The following B3GALT5 variants were observed in gnomAD, a reference collection of about 807,000 sequenced individuals.
The protein encoded by B3GALT5 is UDP-Gal:betaGlcNAc beta 1,3-galactosyltransferase, polypeptide 5.
For synonymous variants in B3GALT5, 156 were observed against 158.6 expected, an observed-to-expected ratio of 0.98 and a Z score of 0.12; for missense variants, 328 against 396.6, an observed-to-expected ratio of 0.83 and a Z score of 1.47.
intron 1 of B3GALT5, among the ~76,000 whole-genome samples, chr21:39,644,537 G>A (rs1263167567): frequency 6.6e-6 from 1 of 152,154 alleles, no homozygotes. Context: ...CAAAAAGTGC[G>A]AAGTTCACAG....
chr21:39,662,965 A>C lies in B3GALT5; in HGVS notation c.*1473A>C, dbSNP rs141243984. The C allele has an allele frequency of 6.4e-6, 1 of 156,392 alleles. No individual in the cohort carries two copies. The highest frequency in any genetic ancestry group is 1.9e-4 in the East Asian group (1 of 5,178). 9.7% of individuals were successfully genotyped at this position (156,392 alleles called of 1,614,324 possible). ...ATTGCAAAAGTACGTCTGATATCCT[A>C]TTTTGCATACCATTTCTTGTGTTTG... On this transcript the variant is annotated 3_prime_UTR_variant, in exon 4 of 4. Coordinates refer to ENST00000684187, the MANE Select transcript of B3GALT5 (RefSeq NM_001356336.2).
intron 1 of B3GALT5, among the ~76,000 whole-genome samples, chr21:39,624,999 C>T (rs2079156460): frequency 6.6e-6 from 1 of 152,166 alleles, no homozygotes; most frequent in Non-Finnish European, 1.5e-5. Context: ...GGATTTTCCT[C>T]TGGGTTCTTC....
At chr21:39,625,991 C>T (rs890948520) in intron 1 of B3GALT5, among the ~76,000 whole-genome samples, 1 of 152,110 alleles carries the variant, frequency 6.6e-6, no homozygotes, top group Non-Finnish European at 1.5e-5. Context: ...GGCATTTTGT[C>T]CATACACGGT....
intron 3 of B3GALT5, among the ~76,000 whole-genome samples, 158 bp from the exon 4 acceptor site, chr21:39,660,402 T>A (rs927273512): frequency 2.0e-5 from 3 of 152,204 alleles, no homozygotes; most frequent in African/African-American, 7.2e-5. Context: ...TAGACCTTTG[T>A]GCTTAACTGT....
intron 1 of B3GALT5, among the ~76,000 whole-genome samples, chr21:39,615,181 G>A (rs1335265351): frequency 6.6e-6 from 1 of 152,204 alleles, no homozygotes; most frequent in Non-Finnish European, 1.5e-5. Context: ...CGTATTCCTT[G>A]TTAATTCCAG....
intron 1 of B3GALT5, among the ~76,000 whole-genome samples, chr21:39,626,766 T>C (rs1222001433): frequency 6.6e-6 from 1 of 152,108 alleles, no homozygotes; most frequent in Non-Finnish European, 1.5e-5. Context: ...TTCAAGTCCT[T>C]TGCCCCTTTT....
chr21:39,639,404 CTTTCTTTCTTTCTTTCTTTCTT>C (rs2079266360), intron 1 of B3GALT5, among the ~76,000 whole-genome samples: 29 of 67,908 alleles, frequency 4.3e-4, no homozygotes, highest in Non-Finnish European at 4.8e-4. Flanking sequence ...CTTTCTTTTT[CTTTCTTTCTTTCTTTCTTTCTT>C]TCTTTCTTTC....
At chr21:39,639,183 C>T (rs1231470487) in intron 1 of B3GALT5, among the ~76,000 whole-genome samples, 1 of 152,170 alleles carries the variant, frequency 6.6e-6, no homozygotes, top group Non-Finnish European at 1.5e-5. Context: ...GAGGTGCCAC[C>T]TCTCTTCTTT....
intron 3 of B3GALT5, 31 bp downstream of exon 3, chr21:39,659,943 GT>G: frequency 1.0e-6 from 1 of 980,572 alleles, no homozygotes; most frequent in Non-Finnish European, 1.2e-6. Flanking sequence ...ATGTTATAAC[GT>G]TACCATGGAT....
chr21:39,625,196 G>A (rs973505393), intron 1 of B3GALT5, among the ~76,000 whole-genome samples: 1 of 152,178 alleles, frequency 6.6e-6, no homozygotes, highest in African/African-American at 2.4e-5. Flanking sequence ...GGGGTTTGTC[G>A]CATGTTATTC....
rs1320494787 is a variant in B3GALT5, at chr21:39,671,599, GA to G, written c.*10108del. On this transcript the variant is annotated 3_prime_UTR_variant, in exon 4 of 4. Coordinates refer to ENST00000684187, the MANE Select transcript of B3GALT5 (RefSeq NM_001356336.2). The stretch of plus-strand genomic sequence containing the variant: ...AGCCTCTTTTATTCATTATTGTTGG[GA>G]CTTGTTTTTATTTCTGTTTCGTTCT... 6.6e-6 allele frequency: 1 copy of G among 152,144 alleles called. No individual in the cohort carries two copies. Among genetic ancestry groups the G allele is most frequent in the Non-Finnish European group, 1.5e-5 (1 of 68,038 alleles). 9.4% of individuals were successfully genotyped at this position (152,144 alleles called of 1,614,324 possible).
chr21:39,654,270 T>G (rs554468433), intron 2 of B3GALT5, among the ~76,000 whole-genome samples: 1 of 152,186 alleles, frequency 6.6e-6, no homozygotes, highest in African/African-American at 2.4e-5. Context: ...TTTGTAGAGA[T>G]AGGGTTTTGC....
At chr21:39,634,546 C>T (rs372672602) in intron 1 of B3GALT5, among the ~76,000 whole-genome samples, 2 of 151,850 alleles carry the variant, frequency 1.3e-5, no homozygotes, top group South Asian at 2.1e-4. Flanking sequence ...TCTTTTACTG[C>T]GGGTCGCTCA....
Position 39,661,608 on chromosome 21 carries a change from GC to G in B3GALT5, c.*118del, listed in dbSNP as rs1289848709. 2 of 1,018,860 alleles carry G rather than the reference GC, an allele frequency of 2.0e-6. No homozygotes were observed. The highest frequency in any genetic ancestry group is 3.2e-5 in the African/African-American group (2 of 61,610). The allele number at this position is 1,018,860 out of a possible 1,614,324, so 63.1% of individuals were successfully genotyped here. On this transcript the variant is annotated 3_prime_UTR_variant, in exon 4 of 4. Transcript: ENST00000684187. This position sits in a 1 kb window ranked among gnomAD's most constrained non-coding sequence, Gnocchi z 4.7. Reference sequence around the variant, plus strand: ...GCTGTTCTTCAGTGCTGAAATCCACGCCAGAATGTCGGTGTTCATGAAGTCA... The same window carrying G: ...GCTGTTCTTCAGTGCTGAAATCCACGCAGAATGTCGGTGTTCATGAAGTCA...
intron 2 of B3GALT5, among the ~76,000 whole-genome samples, chr21:39,652,736 A>G (rs549069841): frequency 6.6e-6 from 1 of 152,356 alleles, no homozygotes; most frequent in African/African-American, 2.4e-5. Flanking sequence ...CCTGCCTTCA[A>G]TATCTGGCCA....
chr21:39,668,622 C>T lies in B3GALT5; in HGVS notation c.*7130C>T, dbSNP rs544112408. 6.6e-6 allele frequency: 1 copy of T among 152,312 alleles called. No homozygotes were observed. The highest frequency in any genetic ancestry group is 2.1e-4 in the South Asian group (1 of 4,816). 9.4% of individuals were successfully genotyped at this position (152,312 alleles called of 1,614,324 possible). ...GAGATATGCATGCGGGAGGGACAAG[C>T]TTGCATGGCACCCAGCTGTGGTACA... On this transcript the variant is annotated 3_prime_UTR_variant, in exon 4 of 4. Transcript: ENST00000684187.
intron 1 of B3GALT5, among the ~76,000 whole-genome samples, chr21:39,629,163 C>T (rs990917705): frequency 1.1e-4 from 17 of 152,082 alleles, no homozygotes; most frequent in South Asian, 2.1e-4. Flanking sequence ...TACAGGCCCA[C>T]GCCACTGCAC....
chr21:39,628,809 T>G, intron 1 of B3GALT5, among the ~76,000 whole-genome samples: 1 of 152,240 alleles, frequency 6.6e-6, no homozygotes, highest in East Asian at 1.9e-4. Flanking sequence ...CTCTGGATTC[T>G]ATGAAGTACT....
At chr21:39,644,956 A>G (rs550806760) in intron 1 of B3GALT5, among the ~76,000 whole-genome samples, 54 of 152,050 alleles carry the variant, frequency 3.6e-4, no homozygotes, top group African/African-American at 1.3e-3. Flanking sequence ...CACTCTTCTT[A>G]TACTGCCAGG....
Sources: gnomAD v4.1 joint callset for allele counts (sites outside exome capture counted in the v4.1 genomes callset) on GRCh38, gnomAD v4.1.1 for gene constraint, Gnocchi (gnomAD v3.1) non-coding constraint, MANE v1.5 for transcripts, NCBI Gene and HGNC (gene_info 2026-07-23, HGNC 2026-07-21) for gene names.